Variants in IFT43 observed in about 807,000 individuals in gnomAD.
IFT43 encodes intraflagellar transport protein 43 homolog.
In IFT43, 33 loss-of-function variants were observed where a neutral mutation model predicts 32.3. The observed-to-expected ratio is 1.02, with a 90% CI of 0.77 to 1.37. The LOEUF is 1.37. IFT43 is among the 40% of genes most tolerant of loss of function. The pLI is 0.00. For synonymous variants in IFT43, 93 were observed against 98.2 expected, an observed-to-expected ratio of 0.95 and a Z score of 0.31; for missense variants, 274 against 265.9, an observed-to-expected ratio of 1.03 and a Z score of -0.21.
intron 2 of IFT43, among the ~76,000 whole-genome samples, chr14:76,007,619 A>G (rs754002762): frequency 6.6e-6 from 1 of 152,168 alleles, no homozygotes; most frequent in African/African-American, 2.4e-5. Flanking sequence ...TTGGGAATTT[A>G]CACCTTCAAT....
intron 5 of IFT43, among the ~76,000 whole-genome samples, chr14:76,064,318 G>C (rs2037191937): frequency 6.6e-6 from 1 of 152,216 alleles, no homozygotes; most frequent in Non-Finnish European, 1.5e-5. Context: ...TGTCACCTCA[G>C]AGATTGGTGG....
chr14:76,023,667 A>G (rs1439659074), intron 3 of IFT43, among the ~76,000 whole-genome samples: 1 of 152,202 alleles, frequency 6.6e-6, no homozygotes, highest in Non-Finnish European at 1.5e-5. Context: ...TCTCACAGGC[A>G]TTCTGGCAGG....
intron 3 of IFT43, among the ~76,000 whole-genome samples, chr14:76,024,770 T>C (rs1304494680): frequency 2.6e-5 from 4 of 152,248 alleles, no homozygotes; most frequent in African/African-American, 9.6e-5. Flanking sequence ...CCTCTGTAGC[T>C]GTCAGCACCT....
chr14:75,995,683 T>G lies in IFT43; in HGVS notation c.147+6706T>G, dbSNP rs191709328. ...AATAGGGTTATCTGCTGACCCTTTT[T>G]GGTGACATTTTTCTTCTTTCTCACA... On this transcript the variant is annotated intron_variant, in intron 2 of 8. Transcript: ENST00000314067. Among the ~76,000 whole-genome samples the G allele has an allele frequency of 3.0e-4, 45 of 152,312 alleles. No individual in the cohort carries two copies. The East Asian group carries it at 4.8e-3, about 16-fold the overall frequency.
chr14:75,993,171 T>C (rs2035675343), intron 2 of IFT43, among the ~76,000 whole-genome samples: 1 of 152,248 alleles, frequency 6.6e-6, no homozygotes, highest in Admixed American at 6.5e-5. Context: ...CCTTAACCTC[T>C]ACTGAGGTTG....
At position 76,065,119 on chromosome 14, in the gene IFT43, C is replaced by G. The variant is rs555739137; in HGVS notation, c.295+5746C>G. On this transcript the variant is annotated intron_variant, in intron 5 of 8. Transcript: ENST00000314067. The stretch of plus-strand genomic sequence containing the variant: ...TCTAGGACATCTCGTCCAGACCTGT[C>G]CTTTGTCATGTTAAGAAAGTGAAGT... 5.8e-4 allele frequency among the ~76,000 whole-genome samples: 88 copies of G among 152,280 alleles called. 5 individuals are homozygous for G. In the South Asian group the frequency reaches 0.017, roughly 30 times the overall value.
At chr14:76,063,918 G>T (rs1375160295) in intron 5 of IFT43, among the ~76,000 whole-genome samples, 1 of 152,204 alleles carries the variant, frequency 6.6e-6, no homozygotes, top group African/African-American at 2.4e-5. Flanking sequence ...ATGAATTTAA[G>T]TAAGCTCCCC....
chr14:76,082,234 G>T, intron 5 of IFT43, 61 bp from the exon 6 acceptor site: 1 of 1,467,892 alleles, frequency 6.8e-7, no homozygotes, highest in Non-Finnish European at 9.6e-7. Context: ...GTAAGAAGTG[G>T]AGAAGCAGGC....
intron 2 of IFT43, among the ~76,000 whole-genome samples, chr14:75,997,824 G>T (rs1315722614): frequency 6.6e-6 from 1 of 152,204 alleles, no homozygotes; most frequent in Non-Finnish European, 1.5e-5. Context: ...TTCAGTAGTT[G>T]CCTCATAACT....
At chr14:76,028,522 A>G (rs745402012) in intron 3 of IFT43, among the ~76,000 whole-genome samples, 1 of 152,140 alleles carries the variant, frequency 6.6e-6, no homozygotes, top group Non-Finnish European at 1.5e-5. Flanking sequence ...TTACAGGGGT[A>G]TGTTGCATGA....
intron 5 of IFT43, among the ~76,000 whole-genome samples, chr14:76,066,516 A>G (rs2037226856): frequency 6.6e-6 from 1 of 152,244 alleles, no homozygotes; most frequent in Admixed American, 6.5e-5. Context: ...ACATATAACT[A>G]GTTTCTAGAA....
chr14:76,063,261 TATC>T (rs1462925284), intron 5 of IFT43, among the ~76,000 whole-genome samples: 1 of 152,190 alleles, frequency 6.6e-6, no homozygotes, highest in Non-Finnish European at 1.5e-5. Context: ...TCGTCTGAAA[TATC>T]ATAATGCGTA....
intron 5 of IFT43, among the ~76,000 whole-genome samples, chr14:76,071,939 G>A (rs144964221): frequency 6.1e-4 from 93 of 152,124 alleles, no homozygotes; most frequent in Middle Eastern, 3.4e-3. Context: ...CCTACTTATG[G>A]AGGAGGCCCA....
rs536944841 is a variant in IFT43 at position 76,062,716 on chromosome 14, G to C, written c.295+3343G>C. 5.4e-4 allele frequency among the ~76,000 whole-genome samples: 82 copies of C among 151,110 alleles called. 1 individual carries two copies. The highest frequency in any genetic ancestry group is 1.6e-3 in the Admixed American group (24 of 15,194). ...TGGATTGCCTGAGGTCAGGATTCAA[G>C]ACCAGCCTGCCCAACATGGCGAAAC... On this transcript the variant is annotated intron_variant, in intron 5 of 8. Coordinates refer to ENST00000314067, the MANE Select transcript of IFT43 (RefSeq NM_001102564.3).
At chr14:76,015,265 T>C (rs2036164729) in intron 2 of IFT43, among the ~76,000 whole-genome samples, 1 of 152,156 alleles carries the variant, frequency 6.6e-6, no homozygotes, top group African/African-American at 2.4e-5. Context: ...AAATCATGTA[T>C]GTAAGGACTT....
chr14:76,067,238 T>C (rs998845884), intron 5 of IFT43, among the ~76,000 whole-genome samples: 1 of 152,092 alleles, frequency 6.6e-6, no homozygotes, highest in Non-Finnish European at 1.5e-5. Context: ...CTCCATCCAT[T>C]GATGCTTCAG....
chr14:75,991,670 C>T (rs914984287), intron 2 of IFT43, among the ~76,000 whole-genome samples: 1 of 152,080 alleles, frequency 6.6e-6, no homozygotes, highest in Admixed American at 6.6e-5. Flanking sequence ...TGTGATGAAT[C>T]CTTTCAGGGT....
At chr14:76,056,383 A>G (rs2037015862) in intron 3 of IFT43, among the ~76,000 whole-genome samples, 3 of 152,264 alleles carry the variant, frequency 2.0e-5, no homozygotes. Context: ...GTGAGAGAGC[A>G]GGATGTGGGC....
chr14:76,006,782 C>T (rs78949495), intron 2 of IFT43, among the ~76,000 whole-genome samples: 1,823 of 151,460 alleles, frequency 0.012, 44 homozygotes, highest in African/African-American at 0.042. Context: ...GAAATATTAA[C>T]AGTTTATGAA....
Sources: allele counts gnomAD v4.1 joint callset (sites outside exome capture counted in the v4.1 genomes callset), GRCh38; gene constraint gnomAD v4.1.1; transcripts MANE v1.5; gene names NCBI Gene and HGNC (gene_info 2026-07-23, HGNC 2026-07-21).